Variants in ARMCX2 observed in about 807,000 individuals in gnomAD.
ARMCX2 encodes the protein armadillo repeat-containing X-linked protein 2.
Under a neutral mutation model 17.0 loss-of-function variants are expected in ARMCX2, and 2 were observed. The observed-to-expected ratio is 0.12, with a 90% confidence interval of 0.05 to 0.37. The LOEUF (loss-of-function observed/expected upper bound fraction) is 0.37. Among genes scored for constraint, ARMCX2 ranks in the 10% least tolerant of loss-of-function variants. ARMCX2 has a pLI of 1.00. For missense variants in ARMCX2, 408 were observed against 497.7 expected (o/e 0.82, Z 1.72); for synonymous variants, 182 against 195.2 (o/e 0.93, Z 0.57).
Position 101,657,703 on chromosome X carries a change from G to T in ARMCX2, c.-115C>A. The T allele has an allele frequency of 1.3e-6, 1 of 753,910 alleles. No individual in the cohort carries two copies. Among genetic ancestry groups the T allele is most frequent in the Non-Finnish European group, 2.0e-6 (1 of 510,362 alleles). The allele number at this position is 753,910 out of a possible 1,213,427, so 62.1% of individuals were successfully genotyped here. A position where few individuals can be genotyped will look rare whatever the true frequency, so the allele number is the denominator to read the frequency against. ...GTTTAGGCTTACAAGTTCTGCTGAGGCTTAGGCAGGGCCTAGGGGTAAAGG... is the reference window on the plus strand; with the variant it reads ...GTTTAGGCTTACAAGTTCTGCTGAGTCTTAGGCAGGGCCTAGGGGTAAAGG... On this transcript the variant is annotated 5_prime_UTR_variant, in exon 6 of 6. Transcript: ENST00000356824.
rs1180434771 is a variant in ARMCX2 at position 101,655,335 on chromosome X, G to T, written c.*355C>A. The stretch of plus-strand genomic sequence containing the variant: ...TGATGATACACAAATGAAGTCTTTG[G>T]TGGATAAATTCAAGTCAAAACAAAT... On this transcript the variant is annotated 3_prime_UTR_variant, in exon 6 of 6. Transcript: ENST00000356824. The T allele has an allele frequency of 2.4e-5, 3 of 125,936 alleles. No homozygotes were observed. In the East Asian group the frequency reaches 7.0e-4, roughly 29 times the overall value. The allele number at this position is 125,936 out of a possible 1,213,427, so 10.4% of individuals were successfully genotyped here. A position where few individuals can be genotyped will look rare whatever the true frequency, so the allele number is the denominator to read the frequency against.
Position 101,656,782 on chromosome X carries a change from C to T in ARMCX2, c.807G>A (p.Pro269=), listed in dbSNP as rs782805456. The T allele has an allele frequency of 9.1e-6, 11 of 1,211,586 alleles. No homozygotes were observed. The East Asian group carries it at 3.0e-4, about 33-fold the overall frequency. The change falls in exon 6 of 6, where the codon CCG becomes CCA. Residue 269 remains proline, a synonymous_variant. Coordinates refer to ENST00000356824, the MANE Select transcript of ARMCX2 (RefSeq NM_177949.4). The part of the protein sequence containing the change: ...ATPGAHTGAI[P]KATSATGAVP... Reference sequence around the variant, plus strand: ...CCGCTCCAGTCGCTGATGTGGCTTTCGGTATAGCCCCAGTGTGAGCCCCAG... The same window carrying T: ...CCGCTCCAGTCGCTGATGTGGCTTTTGGTATAGCCCCAGTGTGAGCCCCAG...
At position 101,657,332 on chromosome X, in the gene ARMCX2, T is replaced by C. The variant is rs1556067655; in HGVS notation, c.257A>G (p.Glu86Gly). The C allele has an allele frequency of 1.7e-6, 2 of 1,210,150 alleles. No homozygotes were observed. The highest frequency in any genetic ancestry group is 2.2e-5 in the Admixed American group (1 of 46,087). Residue 86 changes from glutamate to glycine, a missense_variant, in exon 6 of 6, where the codon GAA (glutamate) becomes GGA (glycine). Physicochemically the swap from Glu to Gly is moderately conservative, Grantham distance 98 (BLOSUM62 -2). Transcript: ENST00000356824. ...TCCAACTGTGTCCAGAGCAGAGGCT[T>C]CATCCTGGGCCCTGTCCTCTGCTTC... Reference protein sequence around the residue: ...RAEAEDRAQDEASALDTVGAE... With the variant: ...RAEAEDRAQDGASALDTVGAE...
chrX:101,657,368 G>T lies in ARMCX2; in HGVS notation c.221C>A (p.Pro74Gln), dbSNP rs1556068560. 6 of 1,212,104 alleles carry T rather than the reference G, an allele frequency of 5.0e-6. No individual in the cohort carries two copies. The highest frequency in any genetic ancestry group is 5.6e-6 in the Non-Finnish European group (5 of 895,533). ...CCTGTCCTCTGCTTCAGCACGGACT[G>T]GGGTTGGGGGACTGAATCCTGACCC... Reference protein sequence around the residue: ...DLGSGFSPPTPVRAEAEDRAQ... With the variant: ...DLGSGFSPPTQVRAEAEDRAQ... Residue 74 changes from proline (P) to glutamine (Q), a missense_variant, in exon 6 of 6, where the codon CCA (proline) becomes CAA (glutamine). Physicochemically the swap from Pro to Gln is moderately conservative, Grantham distance 76 (BLOSUM62 -1). Around this residue, in one of 2 missense-constraint regions of ARMCX2, gnomAD observed 307 missense variants for 326.8 expected, o/e 0.94. Transcript: ENST00000356824.
rs1556046011 is a variant in ARMCX2 at position 101,655,441 on chromosome X, C to T, written c.*249G>A. On this transcript the variant is annotated 3_prime_UTR_variant, in exon 6 of 6. Coordinates refer to ENST00000356824, the MANE Select transcript of ARMCX2 (RefSeq NM_177949.4). Reference sequence around the variant, plus strand: ...AGTAAAAATATTTCTATCCAAGCAGCACGATTAAAGTCACAAATATGTTTT... The same window carrying T: ...AGTAAAAATATTTCTATCCAAGCAGTACGATTAAAGTCACAAATATGTTTT... The T allele has an allele frequency of 1.3e-5, 3 of 231,617 alleles. No homozygotes were observed. Among genetic ancestry groups the T allele is most frequent in the Non-Finnish European group, 2.3e-5 (3 of 129,359 alleles). The allele number at this position is 231,617 out of a possible 1,213,427, so 19.1% of individuals were successfully genotyped here. A position where few individuals can be genotyped will look rare whatever the true frequency, so the allele number is the denominator to read the frequency against.
At chrX:101,658,371 T>C (rs1936423629) in intron 4 of ARMCX2, 90 bp downstream of exon 4, 1 of 111,422 alleles carries the variant, frequency 9.0e-6, no homozygotes. Context: ...AGAGAGAAGA[T>C]GCAGGAGGAG....
rs1037890729 is a variant in ARMCX2 at position 101,657,692 on chromosome X, G to A, written c.-104C>T. On this transcript the variant is annotated 5_prime_UTR_variant, in exon 6 of 6. Coordinates refer to ENST00000356824, the MANE Select transcript of ARMCX2 (RefSeq NM_177949.4). Reference sequence around the variant, plus strand: ...GAGGCTCTTCAGTTTAGGCTTACAAGTTCTGCTGAGGCTTAGGCAGGGCCT... The same window carrying A: ...GAGGCTCTTCAGTTTAGGCTTACAAATTCTGCTGAGGCTTAGGCAGGGCCT... 10 of 850,894 alleles carry A rather than the reference G, an allele frequency of 1.2e-5. No individual in the cohort carries two copies. The highest frequency in any genetic ancestry group is 6.3e-5 in the East Asian group (2 of 31,795). 70.1% of individuals were successfully genotyped at this position (850,894 alleles called of 1,213,427 possible).
chrX:101,655,775 A>C lies in ARMCX2; in HGVS notation c.1814T>G (p.Val605Gly). ...TAAGGCTCTAATTTTCTTAACACAC[A>C]CTCCAGATGTAGTGCATAAGTAAAA... is the stretch of plus-strand genomic sequence containing the variant. ...SLFYLCTTSG[V>G]CVKKIRALAN... is the part of the protein sequence containing the mutation. The change falls in exon 6 of 6, where the codon GTG becomes GGG. Residue 605 changes from valine to glycine, a missense_variant. Physicochemically the swap from Val to Gly is moderately radical, Grantham distance 109. This residue lies in a region of ARMCX2 where 101 missense variants were observed against 170.9 expected (regional missense o/e 0.59). Coordinates refer to ENST00000356824, the MANE Select transcript of ARMCX2 (RefSeq NM_177949.4). 3.4e-6 allele frequency: 4 copies of C among 1,182,845 alleles called. No individual in the cohort carries two copies. Among genetic ancestry groups the C allele is most frequent in the Non-Finnish European group, 4.5e-6 (4 of 883,394 alleles).
Position 101,655,753 on chromosome X carries a change from G to A in ARMCX2, c.1836C>T (p.Ala612=), listed in dbSNP as rs150821075. Residue 612 remains alanine (A), a synonymous_variant, in exon 6 of 6, where the codon GCC becomes GCT. Coordinates refer to ENST00000356824, the MANE Select transcript of ARMCX2 (RefSeq NM_177949.4). ...CTAAGAGGTCATGGTGATTTGCTAA[G>A]GCTCTAATTTTCTTAACACACACTC... The part of the protein sequence containing the change: ...TSGVCVKKIR[A]LANHHDLLVK... 3.1e-5 allele frequency: 36 copies of A among 1,171,237 alleles called. No individual in the cohort carries two copies. In the African/African-American group the frequency reaches 5.1e-4, roughly 16 times the overall value.
chrX:101,657,575 C>G lies in ARMCX2; in HGVS notation c.14G>C (p.Arg5Pro). 8.3e-7 allele frequency: 1 copy of G among 1,207,584 alleles called. No homozygotes were observed. Among genetic ancestry groups the G allele is most frequent in the Non-Finnish European group, 1.1e-6 (1 of 892,832 alleles). The change falls in exon 6 of 6, where the codon CGG becomes CCG. Residue 5 changes from arginine to proline, a missense_variant. Transcript: ENST00000356824. ...CCCCGCCGCTACACAGCCAGCATCC[C>G]GAACGCGGCTCATGGTGCAGCTGGG... MSRV[R>P]DAGCVAAGIV...
rs1936376520 is a variant in ARMCX2 at position 101,657,721 on chromosome X, G to A, written c.-127-6C>T. On this transcript the variant is annotated splice_polypyrimidine_tract_variant and splice_region_variant and intron_variant, in intron 5 of 5. Coordinates refer to ENST00000356824, the MANE Select transcript of ARMCX2 (RefSeq NM_177949.4). ...TGCTGAGGCTTAGGCAGGGCCTAGG[G>A]GTAAAGGATAAAAATGAGGCTTAGG... is the stretch of plus-strand genomic sequence containing the variant. 1.6e-6 allele frequency: 1 copy of A among 629,545 alleles called. No homozygotes were observed. Among genetic ancestry groups the A allele is most frequent in the East Asian group, 3.3e-5 (1 of 30,055 alleles). The allele number at this position is 629,545 out of a possible 1,213,427, so 51.9% of individuals were successfully genotyped here.
In ARMCX2 at chrX:101,656,072, A is replaced by C. The variant is rs1556050729; in HGVS notation, c.1517T>G (p.Leu506Arg). Residue 506 changes from leucine (L) to arginine (R), a missense_variant, in exon 6 of 6, where the codon CTT becomes CGT. Leu to Arg is a moderately radical substitution (Grantham distance 102). Coordinates refer to ENST00000356824, the MANE Select transcript of ARMCX2 (RefSeq NM_177949.4). ...MTITNDYQHL[L>R]VNSIANFFRL... ...GAAAAAGTTTGCAATGGAATTGACA[A>C]GCAGGTGTTGGTAGTCATTAGTAAT... The C allele has an allele frequency of 8.3e-7, 1 of 1,210,898 alleles. No individual in the cohort carries two copies. The highest frequency in any genetic ancestry group is 1.1e-6 in the Non-Finnish European group (1 of 894,749).
chrX:101,655,880 G>T lies in ARMCX2; in HGVS notation c.1709C>A (p.Ala570Asp). 1 of 1,209,379 alleles carries T rather than the reference G, an allele frequency of 8.3e-7. No individual in the cohort carries two copies. Among genetic ancestry groups the T allele is most frequent in the Non-Finnish European group, 1.1e-6 (1 of 893,537 alleles). ...SYVESEILIN[A>D]LTLFEIIYDN... is the part of the protein sequence containing the mutation. ...ATAGATAATCTCAAATAGAGTAAGG[G>T]CATTAATAAGGATTTCTGATTCCAC... is the stretch of plus-strand genomic sequence containing the variant. The change falls in exon 6 of 6, where the codon GCC becomes GAC. Residue 570 changes from alanine (A) to aspartate (D), a missense_variant. By Grantham distance (126) the Ala-to-Asp change is moderately radical (BLOSUM62 -2). Around this residue, in one of 2 missense-constraint regions of ARMCX2, gnomAD observed 101 missense variants for 170.9 expected, o/e 0.59. Coordinates refer to ENST00000356824, the MANE Select transcript of ARMCX2 (RefSeq NM_177949.4).
Position 101,657,618 on chromosome X carries a change from G to A in ARMCX2, c.-30C>T, listed in dbSNP as rs782614735. 3.4e-6 allele frequency: 4 copies of A among 1,171,347 alleles called. No homozygotes were observed. The highest frequency in any genetic ancestry group is 4.6e-6 in the Non-Finnish European group (4 of 866,663). On this transcript the variant is annotated 5_prime_UTR_variant, in exon 6 of 6. Coordinates refer to ENST00000356824, the MANE Select transcript of ARMCX2 (RefSeq NM_177949.4). ...CAGCTGGGGTTATTCACTGATCCAG[G>A]GCGTGGAACTGGATTGCTTAAGGTT...
intron 2 of ARMCX2, 48 bp from the exon 3 acceptor site, chrX:101,659,196 C>T (rs2147415429): frequency 9.0e-6 from 1 of 110,678 alleles, no homozygotes; most frequent in East Asian, 2.9e-4. Flanking sequence ...CAGGGTCCGC[C>T]CCCTCCCCCC....
chrX:101,656,912 G>C lies in ARMCX2; in HGVS notation c.677C>G (p.Pro226Arg). 1 of 1,210,918 alleles carries C rather than the reference G, an allele frequency of 8.3e-7. No individual in the cohort carries two copies. The highest frequency in any genetic ancestry group is 1.1e-6 in the Non-Finnish European group (1 of 895,000). Residue 226 changes from proline (P) to arginine (R), a missense_variant, in exon 6 of 6, where the codon CCT becomes CGT. By Grantham distance (103) the Pro-to-Arg change is moderately radical. Transcript: ENST00000356824. ...CCCAGTAGGTGCTGCAGCCCCAGTAGGCGTTGCCGGCACAGGAGCCTCAGC... is the reference window on the plus strand; with the variant it reads ...CCCAGTAGGTGCTGCAGCCCCAGTACGCGTTGCCGGCACAGGAGCCTCAGC... ...EAAEAPVPAT[P>R]TGAAAPTGAA...
Position 101,657,034 on chromosome X carries a change from G to T in ARMCX2, c.555C>A (p.Thr185=). The change falls in exon 6 of 6, where the codon ACC becomes ACA. Residue 185 remains threonine, a synonymous_variant. Transcript: ENST00000356824. The part of the protein sequence containing the change: ...AAVPPGTVVP[T]EAAAPTEVTE... ...TCACCTCAGTGGGTGCTGCCGCTTC[G>T]GTAGGCACCACTGTCCCAGGAGGCA... is the stretch of plus-strand genomic sequence containing the variant. The T allele has an allele frequency of 8.3e-7, 1 of 1,209,585 alleles. No individual in the cohort carries two copies. The highest frequency in any genetic ancestry group is 1.1e-6 in the Non-Finnish European group (1 of 893,868).
chrX:101,658,804 C>A (rs782686056), intron 3 of ARMCX2, among the ~76,000 whole-genome samples: 1 of 110,874 alleles, frequency 9.0e-6, no homozygotes, highest in African/African-American at 3.3e-5. Context: ...TCTCCTGCAA[C>A]GAAGCGGGAG....
At chrX:101,658,592 G>A (rs1341952403) in intron 3 of ARMCX2, 67 bp from the exon 4 acceptor site, 5 of 112,378 alleles carry the variant, frequency 4.4e-5, no homozygotes, top group African/African-American at 1.6e-4. Context: ...TCAGCATCCA[G>A]GACAAGGGTC....
Sources: allele counts gnomAD v4.1 joint callset (sites outside exome capture counted in the v4.1 genomes callset), GRCh38; gene constraint gnomAD v4.1.1; regional missense constraint gnomAD v4.1.1; transcripts MANE v1.5; gene names NCBI Gene and HGNC (gene_info 2026-07-23, HGNC 2026-07-21).